The following SNX14 variants were observed in gnomAD, a reference collection of about 807,000 sequenced individuals.
The protein encoded by SNX14 is sorting nexin-14.
SNX14 carries 93 observed loss-of-function variants against 133.8 expected under a neutral mutation model. The observed-to-expected ratio is 0.70, with a 90% CI of 0.59 to 0.83. The LOEUF is 0.83. Ranked by LOEUF, SNX14 falls within the 40% of genes least tolerant of loss-of-function variation. The pLI is 0.00. For missense variants in SNX14, 945 were observed against 1,094.9 expected, an observed-to-expected ratio of 0.86 and a Z score of 1.93; for synonymous variants, 368 against 365.6, an observed-to-expected ratio of 1.01 and a Z score of -0.07.
At chr6:85,556,796 TTGTTA>T (rs1230860026) in intron 7 of SNX14, among the ~76,000 whole-genome samples, 1 of 152,144 alleles carries the variant, frequency 6.6e-6, no homozygotes, top group Non-Finnish European at 1.5e-5. Context: ...TTATTTTTAC[TTGTTA>T]TAAGATGAAC....
intron 21 of SNX14, among the ~76,000 whole-genome samples, chr6:85,519,950 T>C (rs1284242525): frequency 6.6e-6 from 1 of 152,130 alleles, no homozygotes; most frequent in East Asian, 1.9e-4. Context: ...AGACTCTGTC[T>C]CTAAAAACCA....
Position 85,533,672 on chromosome 6 carries a change from G to A in SNX14, c.1737C>T (p.Ser579=). The A allele has an allele frequency of 6.2e-7, 1 of 1,613,766 alleles. No homozygotes were observed. The highest frequency in any genetic ancestry group is 8.5e-7 in the Non-Finnish European group (1 of 1,180,002). The change falls in exon 18 of 29, where the codon TCC becomes TCT. Residue 579 remains serine, a synonymous_variant. Transcript: ENST00000314673. ...IPYVDFFEDP[S]SERKEKKERI... Reference sequence around the variant, plus strand: ...TTTCTTTTTTCTCCTTCCTTTCAGAGGAGGGATCCTCAAAAAAGTCTACAT... The same window carrying A: ...TTTCTTTTTTCTCCTTCCTTTCAGAAGAGGGATCCTCAAAAAAGTCTACAT...
intron 26 of SNX14, among the ~76,000 whole-genome samples, chr6:85,510,502 T>C (rs767445994): frequency 6.6e-6 from 1 of 152,250 alleles, no homozygotes; most frequent in Non-Finnish European, 1.5e-5. Context: ...GATTTCTTTG[T>C]ACATTTTTGG....
rs758486967 is a variant in SNX14, at chr6:85,541,936, C to T, written c.1448+49G>A. 9 of 1,380,112 alleles carry T rather than the reference C, an allele frequency of 6.5e-6. No individual in the cohort carries two copies. The Admixed American group carries it at 1.4e-4, about 22-fold the overall frequency. 85.5% of individuals were successfully genotyped at this position (1,380,112 alleles called of 1,614,324 possible). The stretch of plus-strand genomic sequence containing the variant: ...TAGCTAATAAAGACAATGATGCTAT[C>T]ATAGAATGACTGGCATCAGCAAGTT... On this transcript the variant is annotated intron_variant, in intron 15 of 28. Coordinates refer to ENST00000314673, the MANE Select transcript of SNX14 (RefSeq NM_153816.6).
intron 6 of SNX14, among the ~76,000 whole-genome samples, chr6:85,558,533 C>T (rs778708454): frequency 6.6e-6 from 1 of 152,220 alleles, no homozygotes; most frequent in Non-Finnish European, 1.5e-5. Context: ...GTGGCACCAT[C>T]TCACTGCAGT....
chr6:85,550,419 A>G (rs996387124), intron 7 of SNX14, among the ~76,000 whole-genome samples: 1 of 152,236 alleles, frequency 6.6e-6, no homozygotes, highest in Non-Finnish European at 1.5e-5. Flanking sequence ...TCTAGCACAC[A>G]TAAGGCTTTT....
At chr6:85,535,832 G>A (rs1049941142) in intron 17 of SNX14, among the ~76,000 whole-genome samples, 3 of 151,990 alleles carry the variant, frequency 2.0e-5, no homozygotes, top group Non-Finnish European at 4.4e-5. Context: ...CCTCCTTCTT[G>A]GTCATCATCA....
Position 85,547,609 on chromosome 6 carries a change from T to G in SNX14, c.868-59A>C, listed in dbSNP as rs983776604. Reference sequence around the variant, plus strand: ...TTCCACTACTGTATTCTCCCCAGAATTCTCATAACTTGTATCATATTATGT... The same window carrying G: ...TTCCACTACTGTATTCTCCCCAGAAGTCTCATAACTTGTATCATATTATGT... On this transcript the variant is annotated intron_variant, in intron 9 of 28. Transcript: ENST00000314673. 6 of 1,343,162 alleles carry G rather than the reference T, an allele frequency of 4.5e-6. No homozygotes were observed. The African/African-American group carries it at 8.8e-5, about 20-fold the overall frequency. The allele number at this position is 1,343,162 out of a possible 1,614,324, so 83.2% of individuals were successfully genotyped here.
At chr6:85,514,690 C>CTATTA in intron 23 of SNX14, 61 bp from the exon 24 acceptor site, 1 of 1,525,908 alleles carries the variant, frequency 6.6e-7, no homozygotes. Context: ...TGACGATAAT[C>CTATTA]AATAAGGATT....
intron 13 of SNX14, 111 bp from the exon 14 acceptor site, chr6:85,543,417 C>G: frequency 8.9e-7 from 1 of 1,120,234 alleles, no homozygotes; most frequent in South Asian, 1.9e-5. Flanking sequence ...GAAATTAGAC[C>G]AACCAAGCTC....
chr6:85,564,481 G>A (rs1370180711), intron 6 of SNX14, among the ~76,000 whole-genome samples: 5 of 152,150 alleles, frequency 3.3e-5, no homozygotes, highest in African/African-American at 1.2e-4. Flanking sequence ...GTGTGAGATG[G>A]TACCTCATTG....
Position 85,532,654 on chromosome 6 carries a change from C to T in SNX14, c.1810+945G>A, listed in dbSNP as rs1369348079. On this transcript the variant is annotated intron_variant, in intron 18 of 28. Coordinates refer to ENST00000314673, the MANE Select transcript of SNX14 (RefSeq NM_153816.6). ...ATCATTCTCTAAATGTGGTGCTTTT[C>T]GTTACACTCACTGCCCCACTTCTTG... Among the ~76,000 whole-genome samples, 4 of 152,036 alleles carry T rather than the reference C, an allele frequency of 2.6e-5. No individual in the cohort carries two copies. In the East Asian group the frequency reaches 5.8e-4, roughly 22 times the overall value.
intron 3 of SNX14, 33 bp downstream of exon 3, chr6:85,572,264 GA>G: frequency 6.2e-7 from 1 of 1,610,006 alleles, no homozygotes; most frequent in African/African-American, 1.3e-5. Flanking sequence ...AATGTAATTA[GA>G]AGGATCAACA....
chr6:85,540,468 G>A (rs898514730), intron 15 of SNX14, among the ~76,000 whole-genome samples: 1 of 152,168 alleles, frequency 6.6e-6, no homozygotes, highest in African/African-American at 2.4e-5. Context: ...AAAGGCATGT[G>A]GCCTGGGCAA....
intron 6 of SNX14, among the ~76,000 whole-genome samples, chr6:85,564,106 CT>C (rs891793606): frequency 6.6e-6 from 1 of 152,144 alleles, no homozygotes; most frequent in East Asian, 1.9e-4. Context: ...TGAACTCATC[CT>C]TTTTTATGGC....
intron 4 of SNX14, among the ~76,000 whole-genome samples, chr6:85,569,763 G>A (rs924934880): frequency 3.3e-5 from 5 of 152,062 alleles, no homozygotes; most frequent in African/African-American, 9.7e-5. Flanking sequence ...ATCAATAATA[G>A]TACCCACTTC....
intron 8 of SNX14, among the ~76,000 whole-genome samples, 164 bp downstream of exon 8, chr6:85,549,559 C>G (rs1377070062): frequency 6.6e-6 from 1 of 151,860 alleles, no homozygotes; most frequent in African/African-American, 2.4e-5. Flanking sequence ...CATTTTAAGA[C>G]CATAATTAAT....
intron 12 of SNX14, among the ~76,000 whole-genome samples, chr6:85,545,726 C>G (rs1399726444): frequency 6.6e-6 from 1 of 152,208 alleles, no homozygotes; most frequent in Non-Finnish European, 1.5e-5. Context: ...CTCTGTCACC[C>G]AGGCTGGAGT....
intron 26 of SNX14, among the ~76,000 whole-genome samples, chr6:85,512,812 T>C (rs1164669732): frequency 6.6e-6 from 1 of 152,132 alleles, no homozygotes; most frequent in African/African-American, 2.4e-5. Flanking sequence ...TATGATTCTC[T>C]CCAACCTTGG....
Sources: allele counts gnomAD v4.1 joint callset (sites outside exome capture counted in the v4.1 genomes callset), GRCh38; gene constraint gnomAD v4.1.1; transcripts MANE v1.5; gene names NCBI Gene and HGNC (gene_info 2026-07-23, HGNC 2026-07-21).